Variants in TANC1 observed in about 807,000 individuals in gnomAD.
The protein encoded by TANC1 is tetratricopeptide repeat, ankyrin repeat and coiled-coil containing 1, also known as protein TANC1.
In TANC1, 77 loss-of-function variants were observed where a neutral mutation model predicts 149.7. The ratio of observed to expected loss-of-function variants is 0.51; its 90% confidence interval spans 0.43 to 0.62. TANC1 has a LOEUF of 0.62. Ranked by LOEUF, TANC1 falls within the 20% of genes least tolerant of loss-of-function variation. The pLI is 0.00. For synonymous variants in TANC1, 854 were observed against 925.0 expected, an observed-to-expected ratio of 0.92 and a Z score of 1.39; for missense variants, 1,985 against 2,321.8, an observed-to-expected ratio of 0.85 and a Z score of 2.98.
chr2:159,037,006 T>G (rs1325601751), intron 2 of TANC1, among the ~76,000 whole-genome samples: 3 of 152,166 alleles, frequency 2.0e-5, no homozygotes, highest in African/African-American at 7.2e-5. Context: ...TTTCTCCACA[T>G]CCTCTCCAGC....
chr2:159,194,241 G>A lies in TANC1; in HGVS notation c.2743-16G>A, dbSNP rs1462550860. The A allele has an allele frequency of 1.3e-6, 2 of 1,596,156 alleles. No individual in the cohort carries two copies. Among genetic ancestry groups the A allele is most frequent in the Non-Finnish European group, 1.7e-6 (2 of 1,163,906 alleles). On this transcript the variant is annotated splice_polypyrimidine_tract_variant and intron_variant, in intron 16 of 26. Coordinates refer to ENST00000263635, the MANE Select transcript of TANC1 (RefSeq NM_033394.3). The stretch of plus-strand genomic sequence containing the variant: ...ACATACATGTGACAATCTTGTTGGG[G>A]GGCCTTGTCCAACAGGTGAGCCGTC...
At chr2:159,003,208 T>C (rs559816219) in intron 2 of TANC1, among the ~76,000 whole-genome samples, 1 of 152,356 alleles carries the variant, frequency 6.6e-6, no homozygotes, top group East Asian at 1.9e-4. Context: ...AGATTGATTG[T>C]TTTACTGTCC....
intron 8 of TANC1, among the ~76,000 whole-genome samples, chr2:159,167,622 T>A (rs2054733791): frequency 6.6e-6 from 1 of 152,158 alleles, no homozygotes; most frequent in Non-Finnish European, 1.5e-5. Context: ...TACAGAGGCA[T>A]AGGTGCATGC....
intron 2 of TANC1, among the ~76,000 whole-genome samples, chr2:159,045,113 G>T (rs556989936): frequency 8.5e-5 from 13 of 152,322 alleles, no homozygotes; most frequent in African/African-American, 2.6e-4. Context: ...CTGTGTTGTT[G>T]TTGTTGTTTT....
At chr2:159,005,510 C>T (rs2037072356) in intron 2 of TANC1, among the ~76,000 whole-genome samples, 1 of 152,084 alleles carries the variant, frequency 6.6e-6, no homozygotes, top group South Asian at 2.1e-4. Flanking sequence ...ATCACCTGAG[C>T]CCAGGAGGCG....
At chr2:158,992,345 A>G (rs2035712536) in intron 1 of TANC1, among the ~76,000 whole-genome samples, 1 of 151,158 alleles carries the variant, frequency 6.6e-6, no homozygotes, top group African/African-American at 2.4e-5. Flanking sequence ...ATCCTGGGCT[A>G]CAGACTGATA....
At chr2:159,217,365 G>GC (rs2059413761) in intron 19 of TANC1, 132 bp from the exon 20 acceptor site, 1 of 1,143,308 alleles carries the variant, frequency 8.7e-7, no homozygotes, top group East Asian at 2.4e-5. Flanking sequence ...CTGTCACAGA[G>GC]CCCCCGCAGG....
chr2:159,219,464 A>G, intron 21 of TANC1, 103 bp downstream of exon 21: 1 of 1,532,254 alleles, frequency 6.5e-7, no homozygotes, highest in South Asian at 1.2e-5. Flanking sequence ...TTTTCTGTTA[A>G]TGGAAATTTT....
chr2:159,194,859 T>C (rs1042771357), intron 17 of TANC1, among the ~76,000 whole-genome samples: 3 of 152,190 alleles, frequency 2.0e-5, no homozygotes, highest in Non-Finnish European at 4.4e-5. Flanking sequence ...TATCCCATTT[T>C]ATGTCCTTTT....
intron 5 of TANC1, 92 bp from the exon 6 acceptor site, chr2:159,149,050 A>C: frequency 7.1e-7 from 1 of 1,414,202 alleles, no homozygotes; most frequent in Non-Finnish European, 9.5e-7. Context: ...ACACAAAATC[A>C]CCAGACAAAG....
In TANC1 at chr2:159,172,708, C is replaced by T. The variant is rs554805725; in HGVS notation, c.1503+436C>T. Among the ~76,000 whole-genome samples, 145 of 152,366 alleles carry T rather than the reference C, an allele frequency of 9.5e-4. 2 individuals carry two copies. The South Asian group carries it at 0.012, about 13-fold the overall frequency. On this transcript the variant is annotated intron_variant, in intron 11 of 26. Coordinates refer to ENST00000263635, the MANE Select transcript of TANC1 (RefSeq NM_033394.3). ...TCTCGTGAAGTTGTAATAGAGCCTT[C>T]CTTGGCTAACTTTCCCTTCTTAAAT...
Position 159,227,978 on chromosome 2 carries a change from C to T in TANC1, c.4050+13C>T. ...AAGAAAAACAAATGTAAGCTGTGCC[C>T]CTTTATTCCAACCCAGTCTTCCAGC... On this transcript the variant is annotated intron_variant, in intron 25 of 26. Transcript: ENST00000263635. The T allele has an allele frequency of 6.2e-7, 1 of 1,607,182 alleles. No individual in the cohort carries two copies. Among genetic ancestry groups the T allele is most frequent in the Non-Finnish European group, 8.5e-7 (1 of 1,176,964 alleles).
rs1215176455 is a variant in TANC1, at chr2:159,179,023, C to T, written c.2370C>T (p.Asp790=). 5.6e-6 allele frequency: 9 copies of T among 1,614,090 alleles called. No homozygotes were observed. Among genetic ancestry groups the T allele is most frequent in the Non-Finnish European group, 7.6e-6 (9 of 1,180,026 alleles). Reference sequence around the variant, plus strand: ...TCCAGGGGGAGCAGGGATGGGAAGACTTTCAGCAGAGGATGGACGCCCTCT... The same window carrying T: ...TCCAGGGGGAGCAGGGATGGGAAGATTTTCAGCAGAGGATGGACGCCCTCT... ...GHIQGEQGWE[D]FQQRMDALSC... The change falls in exon 14 of 27, where the codon GAC becomes GAT. Residue 790 remains aspartate (D), a synonymous_variant. Coordinates refer to ENST00000263635, the MANE Select transcript of TANC1 (RefSeq NM_033394.3).
At position 159,133,551 on chromosome 2, in the gene TANC1, GC is replaced by G. The variant is rs1393380384; in HGVS notation, c.260-2640del. 3.3e-5 allele frequency among the ~76,000 whole-genome samples: 5 copies of G among 152,042 alleles called. No individual in the cohort carries two copies. The South Asian group carries it at 6.3e-4, about 19-fold the overall frequency. Reference sequence around the variant, plus strand: ...TTCCATTTGTATCTGTCCTATTCAGGCCCTTCTTTCTAGTTTATGTCTCTTA... The same window carrying G: ...TTCCATTTGTATCTGTCCTATTCAGGCCTTCTTTCTAGTTTATGTCTCTTA... On this transcript the variant is annotated intron_variant, in intron 4 of 26. Coordinates refer to ENST00000263635, the MANE Select transcript of TANC1 (RefSeq NM_033394.3).
At chr2:159,080,423 C>G (rs992992631) in intron 3 of TANC1, among the ~76,000 whole-genome samples, 1 of 152,164 alleles carries the variant, frequency 6.6e-6, no homozygotes, top group African/African-American at 2.4e-5. Context: ...AAGCCTGGCT[C>G]CAGGACCTGG....
chr2:159,106,183 G>A (rs1420771904), intron 4 of TANC1, among the ~76,000 whole-genome samples: 2 of 151,982 alleles, frequency 1.3e-5, no homozygotes, highest in African/African-American at 4.8e-5. Context: ...TGTTCTTTTT[G>A]TAGCATTTTC....
At chr2:159,197,405 C>A (rs902251815) in intron 18 of TANC1, among the ~76,000 whole-genome samples, 1 of 152,258 alleles carries the variant, frequency 6.6e-6, no homozygotes, top group East Asian at 1.9e-4. Flanking sequence ...ATGTTTTGCT[C>A]GCTTCCTCCT....
chr2:159,006,210 C>T (rs887810715), intron 2 of TANC1, among the ~76,000 whole-genome samples: 2 of 149,354 alleles, frequency 1.3e-5, no homozygotes, highest in Admixed American at 6.7e-5. Context: ...GGCAGAAGAT[C>T]GCTTGAAACT....
rs186327881 is a variant in TANC1, at chr2:159,023,423, A to G, written c.-16+22234A>G. ...AGTGGTACGATCTTGGCTCACTGCA[A>G]CCTCCACCCTCCCAGCTCAAGTGAT... On this transcript the variant is annotated intron_variant, in intron 2 of 26. Coordinates refer to ENST00000263635, the MANE Select transcript of TANC1 (RefSeq NM_033394.3). Among the ~76,000 whole-genome samples the G allele has an allele frequency of 5.5e-3, 835 of 151,602 alleles. 8 individuals carry two copies. The highest frequency in any genetic ancestry group is 0.018 in the African/African-American group (752 of 41,314).
Sources: gnomAD v4.1 joint callset for allele counts (sites outside exome capture counted in the v4.1 genomes callset) on GRCh38, gnomAD v4.1.1 for gene constraint, MANE v1.5 for transcripts, NCBI Gene and HGNC (gene_info 2026-07-23, HGNC 2026-07-21) for gene names.